Variants in DHX57 observed in about 807,000 individuals in gnomAD.
The protein encoded by DHX57 is putative ATP-dependent RNA helicase DHX57.
DHX57 carries 105 observed loss-of-function variants against 156.2 expected under a neutral mutation model. The observed-to-expected ratio is 0.67, with a 90% CI of 0.57 to 0.79. DHX57 has a LOEUF of 0.79. DHX57 is among the 30% of genes least tolerant of loss of function. The pLI is 0.00. For missense variants in DHX57, 1,847 were observed against 1,661.9 expected (o/e 1.11, Z -1.94); for synonymous variants, 704 against 595.6 (o/e 1.18, Z -2.65).
intron 11 of DHX57, among the ~76,000 whole-genome samples, chr2:38,846,251 T>C (rs1294301093): frequency 1.3e-5 from 2 of 152,230 alleles, no homozygotes; most frequent in Non-Finnish European, 2.9e-5. Flanking sequence ...AATTTTTTAA[T>C]GCTCTCAGCA....
At chr2:38,844,976 A>T (rs1457690808) in intron 11 of DHX57, among the ~76,000 whole-genome samples, 1 of 152,108 alleles carries the variant, frequency 6.6e-6, no homozygotes, top group East Asian at 1.9e-4. Flanking sequence ...GAATGTGAAC[A>T]ATTCTATGTT....
In DHX57 at chr2:38,812,932, C is replaced by T. The variant is rs1163466924; in HGVS notation, c.3681+889G>A. On this transcript the variant is annotated intron_variant, in intron 21 of 23. Transcript: ENST00000457308. ...GCATGGTCTTGGCTTACTGCAACCT[C>T]CGCCTCCTGAGTTCAAGCAATTCTC... is the stretch of plus-strand genomic sequence containing the variant. Among the ~76,000 whole-genome samples, 5 of 151,222 alleles carry T rather than the reference C, an allele frequency of 3.3e-5. No homozygotes were observed. In the Admixed American group the frequency reaches 3.3e-4, roughly 10 times the overall value.
intron 10 of DHX57, among the ~76,000 whole-genome samples, chr2:38,847,833 C>A (rs1192336612): frequency 6.6e-6 from 1 of 152,052 alleles, no homozygotes; most frequent in African/African-American, 2.4e-5. Flanking sequence ...CCTGTAATCC[C>A]AGCACTTTGG....
intron 7 of DHX57, 105 bp from the exon 8 acceptor site, chr2:38,855,357 A>G: frequency 7.9e-7 from 1 of 1,269,824 alleles, no homozygotes; most frequent in South Asian, 1.2e-5. Context: ...ATTAGAATAA[A>G]AGTTGTTCAG....
intron 14 of DHX57, among the ~76,000 whole-genome samples, 153 bp from the exon 15 acceptor site, chr2:38,826,842 A>G (rs1473334144): frequency 2.0e-5 from 3 of 152,144 alleles, no homozygotes; most frequent in African/African-American, 4.8e-5. Flanking sequence ...CTACATAGTA[A>G]AGTCTTGGCC....
In DHX57 at chr2:38,823,249, A is replaced by G; in HGVS notation, c.3035T>C (p.Phe1012Ser). ...CACAGACTGGAGATTATGAGCACTA[A>G]ACATCTCTAAAATTTTAATTCTGAA... Reference protein sequence around the residue: ...LCLRIKILEMFSAHNLQSVFS... With the variant: ...LCLRIKILEMSSAHNLQSVFS... Residue 1012 changes from phenylalanine (F) to serine (S), a missense_variant, in exon 17 of 24, where the codon TTT (phenylalanine) becomes TCT (serine). Coordinates refer to ENST00000457308, the MANE Select transcript of DHX57 (RefSeq NM_198963.3). 6.2e-7 allele frequency: 1 copy of G among 1,612,532 alleles called. No individual in the cohort carries two copies. Among genetic ancestry groups the G allele is most frequent in the Non-Finnish European group, 8.5e-7 (1 of 1,178,798 alleles).
At chr2:38,852,994 C>A (rs1672683563) in intron 9 of DHX57, 1 of 161,118 alleles carries the variant, frequency 6.2e-6, no homozygotes, top group South Asian at 1.9e-4. Context: ...AATCTTCAAA[C>A]ATACTTTCCT....
intron 20 of DHX57, among the ~76,000 whole-genome samples, chr2:38,814,719 G>C (rs1177838866): frequency 8.4e-6 from 1 of 119,372 alleles, no homozygotes; most frequent in Non-Finnish European, 1.9e-5. Context: ...ACAATGAGCA[G>C]AAAACCCTGT....
In DHX57 at chr2:38,828,504, T is replaced by C. The variant is rs1671222189; in HGVS notation, c.2543-68A>G. ...CAGAAAAGAAACAAGAAAAATTTTT[T>C]TAAAAAAGAATATGATAAATGAAGT... On this transcript the variant is annotated intron_variant, in intron 13 of 23. Transcript: ENST00000457308. 11 of 1,184,470 alleles carry C rather than the reference T, an allele frequency of 9.3e-6. No homozygotes were observed. The South Asian group carries it at 1.7e-4, about 18-fold the overall frequency. The allele number at this position is 1,184,470 out of a possible 1,614,324, so 73.4% of individuals were successfully genotyped here.
In DHX57 at chr2:38,806,651, C is replaced by T. The variant is rs1669953884; in HGVS notation, c.3724G>A (p.Ala1242Thr). The T allele has an allele frequency of 6.2e-7, 1 of 1,614,134 alleles. No individual in the cohort carries two copies. Residue 1242 changes from alanine to threonine, a missense_variant, in exon 22 of 24, where the codon GCT becomes ACT. Transcript: ENST00000457308. Reference protein sequence around the residue: ...EGKFQKTSTGAVRMQPKSAEL... With the variant: ...EGKFQKTSTGTVRMQPKSAEL... Reference sequence around the variant, plus strand: ...GCTGATTTTGGTTGCATTCTGACAGCTCCAGTACTGGTCTTCTGAAATTTT... The same window carrying T: ...GCTGATTTTGGTTGCATTCTGACAGTTCCAGTACTGGTCTTCTGAAATTTT...
chr2:38,872,992 A>AT (rs575417404), intron 1 of DHX57, among the ~76,000 whole-genome samples: 8,384 of 145,888 alleles, frequency 0.057, 395 homozygotes, highest in African/African-American at 0.13. Context: ...ACCTCAATAC[A>AT]TTTTTTTTTT....
chr2:38,872,545 T>C (rs1377985709), intron 1 of DHX57, among the ~76,000 whole-genome samples: 2 of 152,174 alleles, frequency 1.3e-5, no homozygotes, highest in South Asian at 2.1e-4. Context: ...AAAAAGATGA[T>C]CTTGCAAACA....
chr2:38,853,833 C>T (rs1273666561), intron 9 of DHX57: 2 of 355,810 alleles, frequency 5.6e-6, no homozygotes, highest in Non-Finnish European at 1.0e-5. Flanking sequence ...TCTAACCTAA[C>T]AGGATGACTC....
intron 9 of DHX57, among the ~76,000 whole-genome samples, chr2:38,849,567 C>T (rs555450258): frequency 1.4e-4 from 21 of 151,744 alleles, no homozygotes; most frequent in Non-Finnish European, 3.1e-4. Flanking sequence ...AAAGAAAAAT[C>T]TGATTGTGCC....
chr2:38,826,196 C>T (rs1671079495), intron 15 of DHX57, 149 bp from the exon 16 acceptor site: 2 of 864,980 alleles, frequency 2.3e-6, no homozygotes, highest in South Asian at 3.7e-5. Flanking sequence ...CTGGTAGGAG[C>T]AGCTAGTGCT....
At chr2:38,826,734 C>T (rs182182301) in intron 14 of DHX57, 45 bp from the exon 15 acceptor site, 30 of 1,583,534 alleles carry the variant, frequency 1.9e-5, no homozygotes, top group Middle Eastern at 1.7e-4. Flanking sequence ...CACCTAGCAC[C>T]GAAACTAGAT....
At chr2:38,851,127 A>G (rs1274200831) in intron 9 of DHX57, among the ~76,000 whole-genome samples, 1 of 152,158 alleles carries the variant, frequency 6.6e-6, no homozygotes, top group Non-Finnish European at 1.5e-5. Context: ...TAAATCAAAA[A>G]CAGCACAACA....
intron 3 of DHX57, chr2:38,863,105 T>C: frequency 2.7e-6 from 1 of 374,936 alleles, no homozygotes. Context: ...TACAGATAAA[T>C]CAGTTACTGA....
intron 13 of DHX57, among the ~76,000 whole-genome samples, chr2:38,833,850 TAAGA>T (rs1183172478): frequency 1.3e-5 from 2 of 151,824 alleles, no homozygotes; most frequent in Admixed American, 6.6e-5. Flanking sequence ...GAAAAAAAAT[TAAGA>T]AAGAGATATG....
Sources: gnomAD v4.1 joint callset for allele counts (sites outside exome capture counted in the v4.1 genomes callset) on GRCh38, gnomAD v4.1.1 for gene constraint, MANE v1.5 for transcripts, NCBI Gene and HGNC (gene_info 2026-07-23, HGNC 2026-07-21) for gene names.